The following SEZ6 variants were observed in gnomAD, a reference collection of about 807,000 sequenced individuals.
SEZ6 encodes seizure protein 6 homolog.
Under a neutral mutation model 101.0 loss-of-function variants are expected in SEZ6, and 53 were observed. The observed-to-expected ratio is 0.52, with a 90% CI of 0.42 to 0.66. SEZ6 has a LOEUF of 0.66. Ranked by LOEUF, SEZ6 falls within the 30% of genes least tolerant of loss-of-function variation. The pLI is 0.00. For missense variants in SEZ6, 1,102 were observed against 1,289.4 expected, an observed-to-expected ratio of 0.85 and a Z score of 2.23; for synonymous variants, 488 against 512.2, an observed-to-expected ratio of 0.95 and a Z score of 0.64.
rs969898969 is a variant in SEZ6 at position 28,954,968 on chromosome 17, A to C, written c.*994T>G. 6.6e-6 allele frequency: 1 copy of C among 150,530 alleles called. No homozygotes were observed. Among genetic ancestry groups the C allele is most frequent in the Non-Finnish European group, 1.5e-5 (1 of 67,772 alleles). The allele number at this position is 150,530 out of a possible 1,614,324, so 9.3% of individuals were successfully genotyped here. A position where few individuals can be genotyped will look rare whatever the true frequency, so the allele number is the denominator to read the frequency against. On this transcript the variant is annotated 3_prime_UTR_variant, in exon 17 of 17. Coordinates refer to ENST00000317338, the MANE Select transcript of SEZ6 (RefSeq NM_178860.5). ...TTTTAATAAGGAAACAACAGAAATAAAAGATTGTTCTCTGGCTGGAGCCCA... is the reference window on the plus strand; with the variant it reads ...TTTTAATAAGGAAACAACAGAAATACAAGATTGTTCTCTGGCTGGAGCCCA...
chr17:28,966,791 A>G (rs2041076064), intron 4 of SEZ6, among the ~76,000 whole-genome samples: 1 of 152,170 alleles, frequency 6.6e-6, no homozygotes, highest in African/African-American at 2.4e-5. Context: ...AGGCTGTCTC[A>G]GGGCAGACCA....
chr17:28,982,646 G>C (rs950629632), intron 1 of SEZ6, among the ~76,000 whole-genome samples: 1 of 152,148 alleles, frequency 6.6e-6, no homozygotes, highest in Non-Finnish European at 1.5e-5. Context: ...ATGGTTGCAT[G>C]ACTTCTTTTT....
chr17:28,979,758 G>A lies in SEZ6; in HGVS notation c.780C>T (p.Asp260=). 1 of 1,613,674 alleles carries A rather than the reference G, an allele frequency of 6.2e-7. No homozygotes were observed. The highest frequency in any genetic ancestry group is 8.5e-7 in the Non-Finnish European group (1 of 1,179,752). ...GGCCAACATCAGTGGGGGAGCTGAG[G>A]TCTGTAGGGGAGTCCAGAGAGCCCT... ...GPEGSLDSPT[D]LSSPTDVGLD... The change falls in exon 3 of 17, where the codon GAC becomes GAT. Residue 260 remains aspartate (D), a synonymous_variant. Coordinates refer to ENST00000317338, the MANE Select transcript of SEZ6 (RefSeq NM_178860.5).
rs531377696 is a variant in SEZ6, at chr17:28,959,056, G to T, written c.2076C>A (p.Gly692=). 43 of 1,613,842 alleles carry T rather than the reference G, an allele frequency of 2.7e-5. No individual in the cohort carries two copies. The African/African-American group carries it at 5.2e-4, about 19-fold the overall frequency. ...FQSDPGTSVL[G]YQQGFVIHFF... is the part of the protein sequence containing the mutation. Reference sequence around the variant, plus strand: ...AGTGGATGACGAAGCCCTGCTGGTAGCCCAGCACTGAGGTCCCGGGGTCCG... The same window carrying T: ...AGTGGATGACGAAGCCCTGCTGGTATCCCAGCACTGAGGTCCCGGGGTCCG... Residue 692 remains glycine (G), a synonymous_variant, in exon 10 of 17, where the codon GGC becomes GGA. Coordinates refer to ENST00000317338, the MANE Select transcript of SEZ6 (RefSeq NM_178860.5). The surrounding 1 kb of genome is among the most constrained non-coding windows in gnomAD (Gnocchi z 4.4).
At position 28,959,508 on chromosome 17, in the gene SEZ6, A is replaced by G; in HGVS notation, c.1772-36T>C. ...GAGGAGGCCCAGAAGGGTCTTTTCA[A>G]GCTTACCATGGTGTTGCTTACCATC... On this transcript the variant is annotated intron_variant, in intron 8 of 16. Transcript: ENST00000317338. The surrounding 1 kb of genome is among the most constrained non-coding windows in gnomAD (Gnocchi z 4.4). 1 of 1,604,186 alleles carries G rather than the reference A, an allele frequency of 6.2e-7. No individual in the cohort carries two copies. Among genetic ancestry groups the G allele is most frequent in the Non-Finnish European group, 8.5e-7 (1 of 1,176,628 alleles).
chr17:28,982,098 CCA>C, intron 1 of SEZ6, 59 bp from the exon 2 acceptor site: 1 of 1,501,192 alleles, frequency 6.7e-7, no homozygotes, highest in Non-Finnish European at 8.9e-7. Flanking sequence ...AGCATCACGC[CCA>C]ACTCGAGTAG....
At chr17:28,986,560 G>A (rs1335786339) in intron 1 of SEZ6, among the ~76,000 whole-genome samples, 1 of 152,228 alleles carries the variant, frequency 6.6e-6, no homozygotes, top group African/African-American at 2.4e-5. Context: ...AGCTTGCCCA[G>A]GTTCACAGTG....
chr17:28,972,584 T>G (rs1051296727), intron 3 of SEZ6, among the ~76,000 whole-genome samples: 47 of 152,166 alleles, frequency 3.1e-4, no homozygotes, highest in African/African-American at 1.1e-3. Context: ...TGAGAAACTC[T>G]CCACCCAGGC....
At chr17:28,990,692 A>C (rs1235208920) in intron 1 of SEZ6, among the ~76,000 whole-genome samples, 1 of 151,920 alleles carries the variant, frequency 6.6e-6, no homozygotes, top group African/African-American at 2.4e-5. Context: ...CTATGATTTC[A>C]TCCCCAACCA....
At chr17:28,988,346 T>C (rs753050668) in intron 1 of SEZ6, among the ~76,000 whole-genome samples, 1 of 152,132 alleles carries the variant, frequency 6.6e-6, no homozygotes, top group Non-Finnish European at 1.5e-5. Flanking sequence ...AGTGGGTATC[T>C]CTCTTCCCAT....
At chr17:28,958,446 G>A (rs189751260) in intron 10 of SEZ6, among the ~76,000 whole-genome samples, 27 of 152,332 alleles carry the variant, frequency 1.8e-4, no homozygotes, top group Admixed American at 1.8e-3. Flanking sequence ...ATGAAAGATT[G>A]TCAGAAAGAT....
intron 1 of SEZ6, among the ~76,000 whole-genome samples, chr17:28,985,580 A>C (rs2041368186): frequency 6.6e-6 from 1 of 152,202 alleles, no homozygotes; most frequent in African/African-American, 2.4e-5. Context: ...CATGCTCTGA[A>C]TAGGAGAGTT....
At position 28,969,934 on chromosome 17, in the gene SEZ6, G is replaced by A. The variant is rs369139713; in HGVS notation, c.877C>T (p.Arg293Trp). 7 of 1,539,226 alleles carry A rather than the reference G, an allele frequency of 4.5e-6. No individual in the cohort carries two copies. The highest frequency in any genetic ancestry group is 2.5e-5 in the South Asian group (2 of 79,408). ...VEIKVQNISL[R>W]EGETVTVEGL... is the part of the protein sequence containing the mutation. ...TCCACAGTCACTGTCTCCCCTTCCC[G>A]GAGGCTGATATTCTGGACCTGTCAG... The change falls in exon 4 of 17, where the codon CGG becomes TGG. Residue 293 changes from arginine to tryptophan, a missense_variant. Physicochemically the swap from Arg to Trp is moderately radical, Grantham distance 101. Transcript: ENST00000317338.
chr17:28,998,757 G>A (rs2041576413), intron 1 of SEZ6, among the ~76,000 whole-genome samples: 1 of 152,090 alleles, frequency 6.6e-6, no homozygotes, highest in African/African-American at 2.4e-5. Flanking sequence ...GTGATGAAGG[G>A]CACCCATCAT....
rs866415306 is a variant in SEZ6, at chr17:28,969,721, C to G, written c.1054+36G>C. On this transcript the variant is annotated intron_variant, in intron 4 of 16. Transcript: ENST00000317338. ...CTCCCCAGCAAGGAGGGCAGCGAGT[C>G]TGGGCTGGTTCCACCTTCAACTACC... 8.4e-6 allele frequency: 12 copies of G among 1,434,182 alleles called. 1 individual carries two copies. In the Middle Eastern group the frequency reaches 9.6e-4, roughly 115 times the overall value. The allele number at this position is 1,434,182 out of a possible 1,614,324, so 88.8% of individuals were successfully genotyped here. A position where few individuals can be genotyped will look rare whatever the true frequency, so the allele number is the denominator to read the frequency against.
In SEZ6 at chr17:28,956,349, C is replaced by T; in HGVS notation, c.2849+1G>A. Reference sequence around the variant, plus strand: ...AGAGCAGAAAGAGAAGCCAGACTCACCTGGAGAAGTAGAAGTATACACCTC... The same window carrying T: ...AGAGCAGAAAGAGAAGCCAGACTCATCTGGAGAAGTAGAAGTATACACCTC... On this transcript the variant is annotated splice_donor_variant, in intron 15 of 16. Transcript: ENST00000317338. LOFTEE classifies it high-confidence loss of function. 1 of 1,573,232 alleles carries T rather than the reference C, an allele frequency of 6.4e-7. No homozygotes were observed.
At chr17:28,990,343 A>G (rs953490269) in intron 1 of SEZ6, among the ~76,000 whole-genome samples, 8 of 152,040 alleles carry the variant, frequency 5.3e-5, no homozygotes, top group African/African-American at 1.5e-4. Flanking sequence ...GGCTTGCTGC[A>G]GCCTTGACCT....
intron 1 of SEZ6, among the ~76,000 whole-genome samples, chr17:28,991,292 C>T (rs1193647763): frequency 6.6e-6 from 1 of 152,212 alleles, no homozygotes; most frequent in African/African-American, 2.4e-5. Context: ...GCAACCTCCG[C>T]CTCCTGGGTT....
chr17:28,989,692 T>C (rs1257487495), intron 1 of SEZ6, among the ~76,000 whole-genome samples: 1 of 152,184 alleles, frequency 6.6e-6, no homozygotes, highest in Non-Finnish European at 1.5e-5. Context: ...TTCCTGGGTA[T>C]GGGCCAAGCT....
Sources: allele counts gnomAD v4.1 joint callset (sites outside exome capture counted in the v4.1 genomes callset), GRCh38; gene constraint gnomAD v4.1.1; non-coding constraint Gnocchi (gnomAD v3.1); transcripts MANE v1.5; gene names NCBI Gene and HGNC (gene_info 2026-07-23, HGNC 2026-07-21).